Variants in RBM47 observed in about 807,000 individuals in gnomAD.
RBM47 encodes RNA binding motif protein 47.
RBM47 carries 21 observed loss-of-function variants against 47.1 expected under a neutral mutation model. That is an observed-to-expected ratio of 0.45 (90% CI 0.32 to 0.64). The LOEUF (loss-of-function observed/expected upper bound fraction) is 0.64, where lower values mean the gene tolerates loss of function less well. Among genes scored for constraint, RBM47 ranks in the 30% least tolerant of loss-of-function variants. RBM47 has a pLI of 0.05. For missense variants in RBM47, 708 were observed against 870.9 expected (o/e 0.81, Z 2.35); for synonymous variants, 375 against 361.7 (o/e 1.04, Z -0.42).
intron 2 of RBM47, among the ~76,000 whole-genome samples, chr4:40,496,997 C>T (rs1056148576): frequency 7.4e-5 from 11 of 148,924 alleles, no homozygotes; most frequent in Admixed American, 6.8e-4. Flanking sequence ...GCCAAGATCA[C>T]GCCACTGCAC....
At chr4:40,467,988 A>G (rs916032520) in intron 2 of RBM47, among the ~76,000 whole-genome samples, 39 of 152,204 alleles carry the variant, frequency 2.6e-4, no homozygotes, top group African/African-American at 9.2e-4. Context: ...TCCCATGGAA[A>G]AAAAATAATA....
intron 1 of RBM47, among the ~76,000 whole-genome samples, chr4:40,580,355 T>G (rs981801347): frequency 7.2e-5 from 11 of 152,118 alleles, no homozygotes; most frequent in Non-Finnish European, 1.3e-4. Context: ...CAACAAAAAG[T>G]TTACTCTCCT....
intron 2 of RBM47, among the ~76,000 whole-genome samples, chr4:40,503,746 T>TACAC (rs538808008): frequency 3.3e-5 from 5 of 151,340 alleles, no homozygotes; most frequent in African/African-American, 2.4e-5. Context: ...GTAAATATAT[T>TACAC]ACACACACAC....
chr4:40,616,353 C>CAAA (rs371710118), intron 1 of RBM47, among the ~76,000 whole-genome samples: 1 of 65,708 alleles, frequency 1.5e-5, no homozygotes, highest in Non-Finnish European at 3.0e-5. Context: ...GACTCTGTCT[C>CAAA]AAAAAAAAAA....
chr4:40,436,723 C>A, intron 4 of RBM47, 76 bp from the exon 5 acceptor site: 2 of 1,391,136 alleles, frequency 1.4e-6, no homozygotes, highest in South Asian at 1.2e-5. Context: ...CCTCGGTTCT[C>A]GGCATTTAAC....
intron 5 of RBM47, among the ~76,000 whole-genome samples, chr4:40,434,635 T>C (rs1266541173): frequency 1.4e-5 from 2 of 138,320 alleles, no homozygotes; most frequent in African/African-American, 5.5e-5. Context: ...ACAGTGCCAA[T>C]GACATTTAAA....
intron 2 of RBM47, among the ~76,000 whole-genome samples, chr4:40,512,863 C>G (rs1376332788): frequency 6.6e-6 from 1 of 152,134 alleles, no homozygotes; most frequent in Non-Finnish European, 1.5e-5. Context: ...TTGATAGACT[C>G]AAGCAATCTA....
chr4:40,538,996 T>C (rs1489928919), intron 2 of RBM47, among the ~76,000 whole-genome samples: 1 of 152,188 alleles, frequency 6.6e-6, no homozygotes, highest in Non-Finnish European at 1.5e-5. Flanking sequence ...GCCAGGATAG[T>C]GGTCTGATTT....
Position 40,533,798 on chromosome 4 carries a change from G to A in RBM47, c.-155+10624C>T, listed in dbSNP as rs183826622. 2.2e-3 allele frequency among the ~76,000 whole-genome samples: 340 copies of A among 151,742 alleles called. 2 individuals are homozygous for A. The Middle Eastern group carries it at 0.027, about 12-fold the overall frequency. On this transcript the variant is annotated intron_variant, in intron 2 of 6. Transcript: ENST00000295971. Reference sequence around the variant, plus strand: ...CCCCAGTAGCTGGGACTACAGGTGCGTGCCACCATGCCTGGTTAATTCTTT... The same window carrying A: ...CCCCAGTAGCTGGGACTACAGGTGCATGCCACCATGCCTGGTTAATTCTTT...
chr4:40,481,631 A>C (rs1720444806), intron 2 of RBM47, among the ~76,000 whole-genome samples: 1 of 150,762 alleles, frequency 6.6e-6, no homozygotes, highest in African/African-American at 2.4e-5. Context: ...AGCTCACTGC[A>C]ACCTCTGCCT....
chr4:40,521,111 A>G (rs996879356), intron 2 of RBM47, among the ~76,000 whole-genome samples: 2 of 151,734 alleles, frequency 1.3e-5, no homozygotes, highest in African/African-American at 2.4e-5. Context: ...TTTAAAGCCA[A>G]TTTTCCTTAA....
chr4:40,600,816 T>G (rs544062358), intron 1 of RBM47, among the ~76,000 whole-genome samples: 9 of 150,854 alleles, frequency 6.0e-5, no homozygotes, highest in Admixed American at 1.3e-4. Context: ...GAGAAACCCG[T>G]CTCTACTGAA....
chr4:40,448,944 G>T (rs1360175319), intron 3 of RBM47, among the ~76,000 whole-genome samples: 1 of 152,226 alleles, frequency 6.6e-6, no homozygotes, highest in Non-Finnish European at 1.5e-5. Context: ...TAGGAAATCA[G>T]AGAGAAAAAC....
chr4:40,554,752 C>T (rs1202833728), intron 1 of RBM47, among the ~76,000 whole-genome samples: 1 of 150,484 alleles, frequency 6.6e-6, no homozygotes, highest in Non-Finnish European at 1.5e-5. Context: ...TCTCTCTCTC[C>T]TTTCTTTCCC....
intron 3 of RBM47, among the ~76,000 whole-genome samples, chr4:40,454,997 T>C (rs1182807938): frequency 1.3e-5 from 2 of 152,196 alleles, no homozygotes; most frequent in African/African-American, 4.8e-5. Flanking sequence ...GAAATGGACA[T>C]TGGCTGATAG....
At chr4:40,580,530 T>G (rs1261019070) in intron 1 of RBM47, among the ~76,000 whole-genome samples, 1 of 152,122 alleles carries the variant, frequency 6.6e-6, no homozygotes, top group Non-Finnish European at 1.5e-5. Flanking sequence ...CACAGCACGG[T>G]GATGGTTTAA....
intron 2 of RBM47, among the ~76,000 whole-genome samples, chr4:40,496,900 C>T (rs955200753): frequency 2.1e-4 from 32 of 151,904 alleles, no homozygotes; most frequent in Non-Finnish European, 4.1e-4. Context: ...ATTAGCCAGG[C>T]GTGGTGGCAC....
At chr4:40,429,248 C>T (rs58297917) in intron 6 of RBM47, among the ~76,000 whole-genome samples, 2 of 151,684 alleles carry the variant, frequency 1.3e-5, no homozygotes, top group Admixed American at 6.6e-5. Context: ...GATATGCCAA[C>T]GAGGAGCACT....
At chr4:40,510,595 C>G (rs1724794915) in intron 2 of RBM47, among the ~76,000 whole-genome samples, 1 of 152,078 alleles carries the variant, frequency 6.6e-6, no homozygotes, top group South Asian at 2.1e-4. Flanking sequence ...AGGTGACATT[C>G]AAGAACTGTG....
Sources: gnomAD v4.1 joint callset for allele counts (sites outside exome capture counted in the v4.1 genomes callset) on GRCh38, gnomAD v4.1.1 for gene constraint, MANE v1.5 for transcripts, NCBI Gene and HGNC (gene_info 2026-07-23, HGNC 2026-07-21) for gene names.